The following DISC1 variants were observed in gnomAD, a reference collection of about 807,000 sequenced individuals.
DISC1 encodes disrupted in schizophrenia 1 protein.
DISC1 carries 57 observed loss-of-function variants against 84.5 expected under a neutral mutation model. The observed-to-expected ratio is 0.67, with a 90% confidence interval of 0.55 to 0.84. The LOEUF is 0.84. Ranked by LOEUF, DISC1 falls within the 40% of genes least tolerant of loss-of-function variation. DISC1 has a pLI of 0.00. For missense variants in DISC1, 1,000 were observed against 1,057.8 expected, an observed-to-expected ratio of 0.95 and a Z score of 0.76; for synonymous variants, 411 against 415.2, an observed-to-expected ratio of 0.99 and a Z score of 0.12.
intron 1 of DISC1, among the ~76,000 whole-genome samples, chr1:231,659,981 A>G (rs2061438187): frequency 6.6e-6 from 1 of 152,198 alleles, no homozygotes. Context: ...GTAGATATCT[A>G]TCAGATCCAC....
Position 231,948,933 on chromosome 1 carries a change from G to A in DISC1, c.1982-9895G>A, listed in dbSNP as rs546800931. Among the ~76,000 whole-genome samples, 10 of 143,334 alleles carry A rather than the reference G, an allele frequency of 7.0e-5. No individual in the cohort carries two copies. The East Asian group carries it at 1.3e-3, about 19-fold the overall frequency. The allele number at this position is 143,334 out of a possible 152,430, so 94.0% of individuals were successfully genotyped here. A position where few individuals can be genotyped will look rare whatever the true frequency, so the allele number is the denominator to read the frequency against. ...TGCCCAGGCTGGAGTGCAGTGGTGC[G>A]ATCTCGGCTCACTGCAACCTCCGCC... is the stretch of plus-strand genomic sequence containing the variant. On this transcript the variant is annotated intron_variant, in intron 9 of 12. Transcript: ENST00000439617.
intron 4 of DISC1, among the ~76,000 whole-genome samples, chr1:231,759,550 A>AAG (rs1486642447): frequency 1.1e-4 from 15 of 138,394 alleles, no homozygotes; most frequent in Non-Finnish European, 1.9e-4. Context: ...AAAAAAAAAA[A>AAG]ACAAAACTAG....
intron 9 of DISC1, among the ~76,000 whole-genome samples, chr1:231,898,718 G>A (rs892494955): frequency 6.6e-6 from 1 of 152,104 alleles, no homozygotes; most frequent in African/African-American, 2.4e-5. Context: ...GAACACTTGA[G>A]GCCAGGAGCT....
chr1:231,845,803 G>C (rs2083410553), intron 9 of DISC1, among the ~76,000 whole-genome samples: 1 of 152,080 alleles, frequency 6.6e-6, no homozygotes, highest in African/African-American at 2.4e-5. Context: ...AAATAACTAG[G>C]GTGTGGGAAA....
At chr1:231,844,678 G>C (rs997481575) in intron 9 of DISC1, among the ~76,000 whole-genome samples, 1 of 152,092 alleles carries the variant, frequency 6.6e-6, no homozygotes, top group Non-Finnish European at 1.5e-5. Context: ...TCAATACCCA[G>C]CATTTTGGGA....
chr1:231,756,831 C>G (rs1272683752), intron 4 of DISC1, among the ~76,000 whole-genome samples: 1 of 152,166 alleles, frequency 6.6e-6, no homozygotes, highest in African/African-American at 2.4e-5. Context: ...TGTATTATTA[C>G]CGTAACTAGA....
At chr1:231,912,568 A>G (rs1316537704) in intron 9 of DISC1, among the ~76,000 whole-genome samples, 1 of 152,176 alleles carries the variant, frequency 6.6e-6, no homozygotes, top group Non-Finnish European at 1.5e-5. Context: ...GCACCTGGCC[A>G]TATGGGGTGT....
intron 11 of DISC1, among the ~76,000 whole-genome samples, chr1:232,020,979 A>T (rs1052856467): frequency 1.5e-4 from 23 of 152,208 alleles, no homozygotes; most frequent in African/African-American, 5.5e-4. Flanking sequence ...AGTGAAATAC[A>T]CCTGATGCTT....
At chr1:231,830,752 T>C (rs542775129) in intron 9 of DISC1, among the ~76,000 whole-genome samples, 47 of 152,266 alleles carry the variant, frequency 3.1e-4, no homozygotes, top group African/African-American at 1.0e-3. Context: ...GGCTGTACCC[T>C]GTAGCATTCC....
chr1:231,824,333 A>AT (rs1459965515), intron 9 of DISC1, among the ~76,000 whole-genome samples: 12 of 151,914 alleles, frequency 7.9e-5, no homozygotes, highest in Admixed American at 5.2e-4. Flanking sequence ...TTTAAAAAAA[A>AT]ATGTCAAATA....
Position 232,008,796 on chromosome 1 carries a change from C to T in DISC1, c.2054C>T (p.Pro685Leu). ...LKNKLCSCKCPLLGKVWEADL... is the reference protein window; with the variant it reads ...LKNKLCSCKCLLLGKVWEADL... ...CCTCTCTGTCTCAGCTGCAAGTGTC[C>T]ACTGCTTGGGAAAGTGTGGGAAGCT... The change falls in exon 11 of 13, where the codon CCA (proline) becomes CTA (leucine). Residue 685 changes from proline to leucine, a missense_variant. Pro to Leu is a moderately conservative substitution (Grantham distance 98, BLOSUM62 -3). Around this residue, in one of 3 missense-constraint regions of DISC1, gnomAD observed 397 missense variants for 377.5 expected, o/e 1.05. Coordinates refer to ENST00000439617, the MANE Select transcript of DISC1 (RefSeq NM_018662.3). 1 of 1,567,262 alleles carries T rather than the reference C, an allele frequency of 6.4e-7. No homozygotes were observed. The highest frequency in any genetic ancestry group is 8.6e-7 in the Non-Finnish European group (1 of 1,156,388).
At chr1:231,919,812 A>G (rs1425071352) in intron 9 of DISC1, among the ~76,000 whole-genome samples, 1 of 152,236 alleles carries the variant, frequency 6.6e-6, no homozygotes, top group African/African-American at 2.4e-5. Flanking sequence ...CAAAATGATT[A>G]CAAATAATTT....
Position 232,031,750 on chromosome 1 carries a change from A to C in DISC1, c.2426-4942A>C, listed in dbSNP as rs930865123. On this transcript the variant is annotated intron_variant, in intron 12 of 12. Coordinates refer to ENST00000439617, the MANE Select transcript of DISC1 (RefSeq NM_018662.3). The surrounding 1 kb of genome is among the most constrained non-coding windows in gnomAD (Gnocchi z 4.6). ...GCACGAGGTGGGCTTGGCACAAGGT[A>C]GGCAACACAGAGTTTCTGTGTACAA... Among the ~76,000 whole-genome samples, 24 of 152,152 alleles carry C rather than the reference A, an allele frequency of 1.6e-4. No homozygotes were observed. Among genetic ancestry groups the C allele is most frequent in the African/African-American group, 5.8e-4 (24 of 41,438 alleles).
intron 9 of DISC1, among the ~76,000 whole-genome samples, chr1:231,875,932 G>A (rs1469570515): frequency 6.6e-6 from 1 of 152,184 alleles, no homozygotes; most frequent in Non-Finnish European, 1.5e-5. Flanking sequence ...GGCTAATGGG[G>A]CCATGGTGTA....
chr1:231,865,487 CAT>C (rs919639467), intron 9 of DISC1, among the ~76,000 whole-genome samples: 32 of 152,308 alleles, frequency 2.1e-4, no homozygotes, highest in African/African-American at 7.7e-4. Context: ...TTCAAGATAA[CAT>C]AATCTTTAGC....
chr1:231,673,304 A>C (rs560983320), intron 1 of DISC1, among the ~76,000 whole-genome samples: 2 of 151,866 alleles, frequency 1.3e-5, no homozygotes, highest in African/African-American at 4.8e-5. Context: ...TTCCTTGGCT[A>C]TTTCTTTCTT....
At chr1:231,903,400 C>T (rs949981944) in intron 9 of DISC1, among the ~76,000 whole-genome samples, 2 of 152,142 alleles carry the variant, frequency 1.3e-5, no homozygotes, top group Non-Finnish European at 2.9e-5. Flanking sequence ...AATCAAAGAG[C>T]CTATAAGACT....
intron 9 of DISC1, among the ~76,000 whole-genome samples, chr1:231,889,085 C>T (rs994497188): frequency 4.6e-5 from 7 of 152,294 alleles, no homozygotes; most frequent in African/African-American, 1.7e-4. Flanking sequence ...CAGAAGAAGA[C>T]ACTCTCAGAT....
chr1:231,957,716 C>A (rs1303614608), intron 9 of DISC1, among the ~76,000 whole-genome samples: 1 of 152,168 alleles, frequency 6.6e-6, no homozygotes, highest in Non-Finnish European at 1.5e-5. Context: ...CTCTTTTTAT[C>A]TTTTATGGAC....
Sources: gnomAD v4.1 joint callset for allele counts (sites outside exome capture counted in the v4.1 genomes callset) on GRCh38, gnomAD v4.1.1 for gene constraint, gnomAD v4.1.1 regional missense constraint, Gnocchi (gnomAD v3.1) non-coding constraint, MANE v1.5 for transcripts, NCBI Gene and HGNC (gene_info 2026-07-23, HGNC 2026-07-21) for gene names.